The following PGCKA1 variants were observed in gnomAD, a reference collection of about 807,000 sequenced individuals.
PGCKA1 encodes the protein PDCD10 and GCKIII kinases associated 1.
At chr4:37,556,147 G>A in the PGCKA1 span, among the ~76,000 whole-genome samples, 67,436 of 152,058 alleles carry the variant, frequency 0.44, 15,292 homozygotes, top group African/African-American at 0.53. Flanking sequence ...TTGACTAAAT[G>A]ATACTCCATT....
At chr4:37,530,816 T>TA in the PGCKA1 span, among the ~76,000 whole-genome samples, 2 of 151,804 alleles carry the variant, frequency 1.3e-5, no homozygotes, top group Non-Finnish European at 2.9e-5. Context: ...CCGTCTCCAC[T>TA]AAAAATACAA....
chr4:37,541,848 A>G, the PGCKA1 span, among the ~76,000 whole-genome samples: 2 of 152,128 alleles, frequency 1.3e-5, no homozygotes, highest in Admixed American at 1.3e-4. Context: ...GAGCCAGGAA[A>G]TGAGACATGG....
At chr4:37,481,419 C>T in the PGCKA1 span, among the ~76,000 whole-genome samples, 4 of 114,698 alleles carry the variant, frequency 3.5e-5, no homozygotes, top group Non-Finnish European at 7.5e-5. Flanking sequence ...GAGCCAAGAT[C>T]GCACCACTGC....
At chr4:37,533,940 TTA>T in the PGCKA1 span, among the ~76,000 whole-genome samples, 1 of 152,212 alleles carries the variant, frequency 6.6e-6, no homozygotes, top group African/African-American at 2.4e-5. Flanking sequence ...GCCAGGTTCT[TTA>T]TTTTCTTAGG....
At chr4:37,484,785 T>A in the PGCKA1 span, among the ~76,000 whole-genome samples, 1 of 152,204 alleles carries the variant, frequency 6.6e-6, no homozygotes, top group Non-Finnish European at 1.5e-5. Flanking sequence ...GAAGGCACCA[T>A]CTGTAAACCA....
chr4:37,487,103 A>C, the PGCKA1 span, among the ~76,000 whole-genome samples: 889 of 152,350 alleles, frequency 5.8e-3, 6 homozygotes, highest in Middle Eastern at 0.01. Context: ...ATCTTAAGAT[A>C]CATTTATTAA....
chr4:37,570,656 A>G, the PGCKA1 span, among the ~76,000 whole-genome samples: 1 of 152,164 alleles, frequency 6.6e-6, no homozygotes, highest in Non-Finnish European at 1.5e-5. Flanking sequence ...TGGCCAGGTT[A>G]TGTGAAATCT....
chr4:37,466,217 C>T, the PGCKA1 span, among the ~76,000 whole-genome samples: 3,214 of 152,086 alleles, frequency 0.021, 99 homozygotes, highest in African/African-American at 0.062. Flanking sequence ...GCCATCTCTG[C>T]CTTCTGATTA....
the PGCKA1 span, among the ~76,000 whole-genome samples, chr4:37,536,366 AAAC>A: frequency 8.5e-6 from 1 of 116,970 alleles, no homozygotes; most frequent in African/African-American, 2.6e-5. Context: ...TAGCAGCTTA[AAAC>A]AACAAACTTT....
the PGCKA1 span, among the ~76,000 whole-genome samples, chr4:37,533,202 T>C: frequency 6.6e-6 from 1 of 152,350 alleles, no homozygotes; most frequent in East Asian, 1.9e-4. Context: ...CAGTAGGATT[T>C]TTTTTCCCCA....
chr4:37,499,918 C>CT, the PGCKA1 span, among the ~76,000 whole-genome samples: 1,480 of 79,180 alleles, frequency 0.019, 179 homozygotes, highest in African/African-American at 0.063. Context: ...GTCTTCCTAA[C>CT]TTTTTTTTTT....
the PGCKA1 span, chr4:37,590,402 C>T: frequency 1.9e-6 from 3 of 1,613,546 alleles, no homozygotes. Context: ...TCCAGCCCCA[C>T]CCAGGATGAC....
At chr4:37,533,358 T>C in the PGCKA1 span, among the ~76,000 whole-genome samples, 1 of 152,196 alleles carries the variant, frequency 6.6e-6, no homozygotes, top group Admixed American at 6.5e-5. Context: ...TTTCTGGTGT[T>C]CTTTTACTTC....
the PGCKA1 span, among the ~76,000 whole-genome samples, chr4:37,542,083 G>A: frequency 5.5e-4 from 83 of 152,234 alleles, no homozygotes; most frequent in African/African-American, 1.8e-3. Context: ...TGGACAGGCC[G>A]GGTCTCAGAT....
At chr4:37,538,239 C>T in the PGCKA1 span, among the ~76,000 whole-genome samples, 5 of 152,348 alleles carry the variant, frequency 3.3e-5, no homozygotes, top group South Asian at 8.3e-4. Context: ...GCCGCAGTGA[C>T]TTGGCCCTGG....
chr4:37,465,100 C>T, the PGCKA1 span, among the ~76,000 whole-genome samples: 85 of 152,132 alleles, frequency 5.6e-4, no homozygotes, highest in African/African-American at 1.9e-3. Flanking sequence ...AAGAGAGGGC[C>T]GTGGCCTCAC....
At chr4:37,547,658 G>C in the PGCKA1 span, among the ~76,000 whole-genome samples, 1 of 152,108 alleles carries the variant, frequency 6.6e-6, no homozygotes, top group African/African-American at 2.4e-5. Context: ...ACCCAGACCA[G>C]TTTCCACACA....
the PGCKA1 span, among the ~76,000 whole-genome samples, chr4:37,582,322 G>C: frequency 1.4e-4 from 22 of 152,186 alleles, no homozygotes; most frequent in Non-Finnish European, 1.6e-4. Context: ...GTGAACATCA[G>C]TGGAGGCTTC....
At chr4:37,569,836 C>T in the PGCKA1 span, among the ~76,000 whole-genome samples, 2 of 152,178 alleles carry the variant, frequency 1.3e-5, no homozygotes, top group Admixed American at 6.5e-5. Context: ...AGGGAGAAAA[C>T]CCATGAGCAC....
Sources: gnomAD v4.1 joint callset for allele counts (sites outside exome capture counted in the v4.1 genomes callset) on GRCh38, gnomAD v4.1.1 for gene constraint, MANE v1.5 for transcripts, NCBI Gene and HGNC (gene_info 2026-07-23, HGNC 2026-07-21) for gene names.